NTM: variants seen among roughly 807,000 people sequenced by gnomAD.
NTM encodes the protein IgLON family member 2.
In NTM, 13 loss-of-function variants were observed where a neutral mutation model predicts 42.1. The ratio of observed to expected loss-of-function variants is 0.31; its 90% CI spans 0.20 to 0.49. The LOEUF is 0.49. Among genes scored for constraint, NTM ranks in the 20% least tolerant of loss-of-function variants. The pLI, the probability that NTM is intolerant of heterozygous loss-of-function variation, is 0.99. For missense variants in NTM, 373 were observed against 452.8 expected, an observed-to-expected ratio of 0.82 and a Z score of 1.60; for synonymous variants, 187 against 179.2, an observed-to-expected ratio of 1.04 and a Z score of -0.35.
chr11:132,150,616 G>A (rs1012980800), intron 3 of NTM, among the ~76,000 whole-genome samples: 1 of 152,174 alleles, frequency 6.6e-6, no homozygotes, highest in Non-Finnish European at 1.5e-5. Flanking sequence ...TGTTGAAAAA[G>A]ATGGAGTAAT....
intron 1 of NTM, among the ~76,000 whole-genome samples, chr11:131,752,294 A>G (rs1050437585): frequency 5.9e-5 from 9 of 152,240 alleles, no homozygotes; most frequent in Non-Finnish European, 1.0e-4. Flanking sequence ...AAAAATGCTC[A>G]TCATCACTGA....
chr11:132,279,575 C>T (rs891073582), intron 4 of NTM, among the ~76,000 whole-genome samples: 2 of 152,148 alleles, frequency 1.3e-5, no homozygotes, highest in African/African-American at 2.4e-5. Context: ...TACTTAAAAC[C>T]ATATGTCTTC....
At chr11:131,612,999 G>A (rs1014197968) in intron 1 of NTM, among the ~76,000 whole-genome samples, 1 of 152,236 alleles carries the variant, frequency 6.6e-6, no homozygotes, top group Non-Finnish European at 1.5e-5. Flanking sequence ...TGAGGCAGAA[G>A]CTTAGTTCCC....
intron 1 of NTM, among the ~76,000 whole-genome samples, chr11:131,859,156 G>A (rs940515973): frequency 2.0e-5 from 3 of 152,130 alleles, no homozygotes; most frequent in Non-Finnish European, 4.4e-5. Context: ...GAGACACATC[G>A]GGTGTCTTCC....
intron 1 of NTM, among the ~76,000 whole-genome samples, chr11:131,723,424 T>C (rs2078601388): frequency 6.6e-6 from 1 of 152,254 alleles, no homozygotes. Context: ...GTTTCCTATA[T>C]GGTATGTGCA....
chr11:132,327,535 A>G (rs1477197540), intron 7 of NTM, among the ~76,000 whole-genome samples: 1 of 152,208 alleles, frequency 6.6e-6, no homozygotes, highest in Non-Finnish European at 1.5e-5. Flanking sequence ...CACAAAAGAA[A>G]GAAAATTCCC....
At chr11:132,127,072 G>A (rs7927994) in intron 2 of NTM, among the ~76,000 whole-genome samples, 22,293 of 151,964 alleles carry the variant, frequency 0.15, 1,760 homozygotes, top group African/African-American at 0.19. Context: ...CTTTTCTGGT[G>A]CGTTCTCCCA....
chr11:132,203,021 C>G (rs1174837595), intron 3 of NTM, among the ~76,000 whole-genome samples: 1 of 152,184 alleles, frequency 6.6e-6, no homozygotes, highest in Non-Finnish European at 1.5e-5. Flanking sequence ...TTTTCAAGCT[C>G]TCATTTGGAA....
At chr11:131,490,259 T>C (rs1310863307) in intron 1 of NTM, among the ~76,000 whole-genome samples, 1 of 152,050 alleles carries the variant, frequency 6.6e-6, no homozygotes, top group African/African-American at 2.4e-5. Context: ...ACAAACCATA[T>C]CCAGACCAGA....
intron 2 of NTM, among the ~76,000 whole-genome samples, chr11:132,075,219 A>G (rs770647699): frequency 5.3e-5 from 8 of 152,206 alleles, no homozygotes; most frequent in Non-Finnish European, 1.2e-4. Context: ...TCAGTTACGC[A>G]AGATGTGTAA....
intron 2 of NTM, among the ~76,000 whole-genome samples, chr11:132,101,218 G>T (rs114851821): frequency 1.3e-5 from 2 of 151,826 alleles, no homozygotes; most frequent in Admixed American, 6.6e-5. Context: ...AATATTGATC[G>T]TGCCAGTTGT....
intron 4 of NTM, among the ~76,000 whole-genome samples, chr11:132,294,917 A>G (rs1047933976): frequency 7.2e-5 from 11 of 152,330 alleles, no homozygotes; most frequent in African/African-American, 2.6e-4. Flanking sequence ...GGCACACTGC[A>G]TGCCAAGGAA....
intron 1 of NTM, among the ~76,000 whole-genome samples, chr11:131,512,212 C>A (rs2048335167): frequency 6.6e-6 from 1 of 152,246 alleles, no homozygotes; most frequent in Admixed American, 6.5e-5. Flanking sequence ...CCAGTGGGTG[C>A]ATGCACACGG....
chr11:131,990,477 A>G (rs773172500), intron 2 of NTM, among the ~76,000 whole-genome samples: 9 of 151,910 alleles, frequency 5.9e-5, no homozygotes, highest in Admixed American at 1.3e-4. Flanking sequence ...TAAGATTCTC[A>G]TTTTAGCATT....
chr11:131,932,102 G>A (rs2058697348), intron 2 of NTM, among the ~76,000 whole-genome samples: 1 of 152,212 alleles, frequency 6.6e-6, no homozygotes, highest in Admixed American at 6.5e-5. Context: ...TCCACTCCAT[G>A]CCAACCATGT....
At chr11:132,259,891 G>A (rs1365666557) in intron 4 of NTM, among the ~76,000 whole-genome samples, 1 of 151,916 alleles carries the variant, frequency 6.6e-6, no homozygotes, top group Admixed American at 6.5e-5. Context: ...TGGGATTACA[G>A]GAGTGCACCA....
At chr11:132,299,351 G>C (rs2094749965) in intron 4 of NTM, among the ~76,000 whole-genome samples, 2 of 152,164 alleles carry the variant, frequency 1.3e-5, no homozygotes, top group Admixed American at 1.3e-4. Context: ...TCTAGCTTAT[G>C]CAAAGGGTAT....
chr11:131,743,643 C>T (rs903736822), intron 1 of NTM, among the ~76,000 whole-genome samples: 1 of 152,146 alleles, frequency 6.6e-6, no homozygotes, highest in African/African-American at 2.4e-5. Flanking sequence ...ACCAACTCTG[C>T]AAATACACCT....
At chr11:132,299,941 A>C (rs1037264) in intron 4 of NTM, among the ~76,000 whole-genome samples, 27,963 of 151,852 alleles carry the variant, frequency 0.18, 3,026 homozygotes, top group Middle Eastern at 0.28. Flanking sequence ...AAATATATTT[A>C]TATCCTTTTA....
Sources: gnomAD v4.1 joint callset for allele counts (sites outside exome capture counted in the v4.1 genomes callset) on GRCh38, gnomAD v4.1.1 for gene constraint, MANE v1.5 for transcripts, NCBI Gene and HGNC (gene_info 2026-07-23, HGNC 2026-07-21) for gene names.